The following OGN variants were observed in gnomAD, a reference collection of about 807,000 sequenced individuals.
The protein encoded by OGN is mimecan.
A neutral mutation model predicts 30.8 loss-of-function variants in OGN; 19 were observed. The ratio of observed to expected loss-of-function variants is 0.62; its 90% CI spans 0.43 to 0.90. The LOEUF is 0.90. Among genes scored for constraint, OGN ranks in the 40% least tolerant of loss-of-function variants. The probability of loss-of-function intolerance (pLI) is 0.00; values close to 1 mark genes in which losing one functional copy is unlikely to be tolerated. For synonymous variants in OGN, 126 were observed against 128.3 expected (o/e 0.98, Z 0.12); for missense variants, 283 against 349.7 (o/e 0.81, Z 1.52).
Position 92,393,076 on chromosome 9 carries a change from C to T in OGN, c.427+10G>A, listed in dbSNP as rs1284989004. ...AGTTAATACTAATATCATATTTCAG[C>T]TTAACTTACGTATGTCTGCAAAATC... On this transcript the variant is annotated intron_variant, in intron 4 of 6. Transcript: ENST00000375561. 9 of 1,609,824 alleles carry T rather than the reference C, an allele frequency of 5.6e-6. No individual in the cohort carries two copies. The highest frequency in any genetic ancestry group is 7.6e-6 in the Non-Finnish European group (9 of 1,177,580).
chr9:92,400,563 A>G (rs1843071470), intron 3 of OGN, among the ~76,000 whole-genome samples: 1 of 152,232 alleles, frequency 6.6e-6, no homozygotes, highest in African/African-American at 2.4e-5. Flanking sequence ...AGAAATTAAT[A>G]TGTGGTTTTT....
At chr9:92,392,014 G>A (rs959663852) in intron 4 of OGN, among the ~76,000 whole-genome samples, 6 of 151,860 alleles carry the variant, frequency 4.0e-5, no homozygotes, top group African/African-American at 1.2e-4. Context: ...TGCATTTCTC[G>A]GTGTGATTTT....
At position 92,385,591 on chromosome 9, in the gene OGN, C is replaced by A; in HGVS notation, c.*29G>T. On this transcript the variant is annotated 3_prime_UTR_variant, in exon 7 of 7. Coordinates refer to ENST00000375561, the MANE Select transcript of OGN (RefSeq NM_014057.5). ...GAGACAGACTATTAGTGTAGGTGTA[C>A]TTTCATTTATATGTTGTACCAATAG... The A allele has an allele frequency of 6.3e-7, 1 of 1,597,402 alleles. No homozygotes were observed. The highest frequency in any genetic ancestry group is 8.6e-7 in the Non-Finnish European group (1 of 1,165,684).
intron 3 of OGN, among the ~76,000 whole-genome samples, chr9:92,398,178 G>T (rs1842969138): frequency 6.6e-6 from 1 of 152,094 alleles, no homozygotes; most frequent in South Asian, 2.1e-4. Flanking sequence ...TTAGCCTGAA[G>T]GTATATAGGA....
intron 5 of OGN, among the ~76,000 whole-genome samples, chr9:92,387,870 TCTC>T (rs200898367): frequency 0.031 from 4,658 of 152,044 alleles, 113 homozygotes; most frequent in South Asian, 0.084. Flanking sequence ...TTAAAGCAAT[TCTC>T]CTGCCTCAGC....
At position 92,385,205 on chromosome 9, in the gene OGN, A is replaced by C. The variant is rs1158619581; in HGVS notation, c.*415T>G. On this transcript the variant is annotated 3_prime_UTR_variant, in exon 7 of 7. Coordinates refer to ENST00000375561, the MANE Select transcript of OGN (RefSeq NM_014057.5). ...ATCATGGGAAACATTTAGCTTTTCAAAGTTTTTGGAACATGTACCTTAAAT... is the reference window on the plus strand; with the variant it reads ...ATCATGGGAAACATTTAGCTTTTCACAGTTTTTGGAACATGTACCTTAAAT... 1 of 154,700 alleles carries C rather than the reference A, an allele frequency of 6.5e-6. No individual in the cohort carries two copies. The highest frequency in any genetic ancestry group is 2.4e-5 in the African/African-American group (1 of 41,486). 9.6% of individuals were successfully genotyped at this position (154,700 alleles called of 1,614,324 possible). A position where few individuals can be genotyped will look rare whatever the true frequency, so the allele number is the denominator to read the frequency against.
chr9:92,385,865 AAC>A, intron 6 of OGN, 75 bp from the exon 7 acceptor site: 1 of 1,448,748 alleles, frequency 6.9e-7, no homozygotes, highest in South Asian at 1.2e-5. Flanking sequence ...GGGTAAAGGA[AAC>A]CTAAGTCAGA....
chr9:92,403,183 A>G, intron 2 of OGN, 51 bp downstream of exon 2: 2 of 1,275,008 alleles, frequency 1.6e-6, no homozygotes, highest in Non-Finnish European at 2.2e-6. Context: ...AAAAACATGC[A>G]TTTAAATGGG....
In OGN at chr9:92,385,536, A is replaced by G. The variant is rs1020896233; in HGVS notation, c.*84T>C. The G allele has an allele frequency of 1.3e-5, 15 of 1,179,226 alleles. No individual in the cohort carries two copies. Among genetic ancestry groups the G allele is most frequent in the Non-Finnish European group, 2.4e-6 (2 of 821,166 alleles). 73.0% of individuals were successfully genotyped at this position (1,179,226 alleles called of 1,614,324 possible). Reference sequence around the variant, plus strand: ...AAATGAGATACAAGGTTAATATTAAACCAATACTTAAGTTCCTTTACTCAT... The same window carrying G: ...AAATGAGATACAAGGTTAATATTAAGCCAATACTTAAGTTCCTTTACTCAT... On this transcript the variant is annotated 3_prime_UTR_variant, in exon 7 of 7. Transcript: ENST00000375561.
intron 4 of OGN, 117 bp downstream of exon 4, chr9:92,392,969 A>T: frequency 1.4e-6 from 1 of 704,432 alleles, no homozygotes; most frequent in Non-Finnish European, 2.3e-6. Context: ...TTAGATATTT[A>T]TGTACTTCAA....
chr9:92,404,678 T>C (rs1843256241), upstream of OGN: 1 of 1,246,748 alleles, frequency 8.0e-7, no homozygotes, highest in Non-Finnish European at 1.0e-6. Context: ...GCCAGCATTC[T>C]TTCTCTAGGG....
intron 3 of OGN, among the ~76,000 whole-genome samples, chr9:92,394,838 C>T (rs1261664392): frequency 2.0e-5 from 3 of 151,970 alleles, no homozygotes; most frequent in Non-Finnish European, 4.4e-5. Flanking sequence ...AACTCCTGAC[C>T]TCAGGTGATC....
At chr9:92,400,862 C>A (rs1310062592) in intron 3 of OGN, among the ~76,000 whole-genome samples, 1 of 152,188 alleles carries the variant, frequency 6.6e-6, no homozygotes, top group African/African-American at 2.4e-5. Flanking sequence ...TTTGTGGAGG[C>A]TAAGCTTGCC....
chr9:92,390,587 T>TGTGCGCGC (rs749697394), intron 4 of OGN, among the ~76,000 whole-genome samples: 3 of 141,814 alleles, frequency 2.1e-5, no homozygotes, highest in Non-Finnish European at 4.7e-5. Flanking sequence ...TGTGTGTGTG[T>TGTGCGCGC]GCGCGCGCGC....
intron 4 of OGN, 138 bp downstream of exon 4, chr9:92,392,948 T>G: frequency 1.6e-6 from 1 of 630,070 alleles, no homozygotes; most frequent in Non-Finnish European, 2.7e-6. Context: ...AATGGACTTT[T>G]GTGAAACATG....
chr9:92,400,377 C>T (rs1298181138), intron 3 of OGN, among the ~76,000 whole-genome samples: 1 of 152,192 alleles, frequency 6.6e-6, no homozygotes, highest in Non-Finnish European at 1.5e-5. Context: ...TCTTGAACTC[C>T]TGACCTCGTG....
At chr9:92,401,321 T>A in intron 2 of OGN, 136 bp from the exon 3 acceptor site, 1 of 511,482 alleles carries the variant, frequency 2.0e-6, no homozygotes, top group Admixed American at 3.9e-5. Flanking sequence ...TTCATACATA[T>A]TTCCATTTTA....
chr9:92,385,779 T>A lies in OGN; in HGVS notation c.738A>T (p.Ile246=). The A allele has an allele frequency of 1.2e-6, 2 of 1,614,098 alleles. No individual in the cohort carries two copies. The highest frequency in any genetic ancestry group is 8.5e-7 in the Non-Finnish European group (1 of 1,179,974). The change falls in exon 7 of 7, where the codon ATA becomes ATT. Residue 246 remains isoleucine (I), a synonymous_variant. Transcript: ENST00000375561. ...LRVIHLQFNN[I]ASITDDTFCK... ...AGAATGTGTCATCTGTAATTGAAGCTATGTTGTTGAACTGAAAAAAAACGA... is the reference window on the plus strand; with the variant it reads ...AGAATGTGTCATCTGTAATTGAAGCAATGTTGTTGAACTGAAAAAAAACGA...
chr9:92,386,111 T>G lies in OGN; in HGVS notation c.726+90A>C, dbSNP rs1588079958. ...GCTACTACAGTGATCTAACCAAAATTTGTATGTGAATAAGTGAGGTTCCCA... is the reference window on the plus strand; with the variant it reads ...GCTACTACAGTGATCTAACCAAAATGTGTATGTGAATAAGTGAGGTTCCCA... On this transcript the variant is annotated intron_variant, in intron 6 of 6. Transcript: ENST00000375561. The G allele has an allele frequency of 2.3e-5, 23 of 1,005,562 alleles. No individual in the cohort carries two copies. The East Asian group carries it at 5.7e-4, about 25-fold the overall frequency. 62.3% of individuals were successfully genotyped at this position (1,005,562 alleles called of 1,614,324 possible).
Sources: gnomAD v4.1 joint callset for allele counts (sites outside exome capture counted in the v4.1 genomes callset) on GRCh38, gnomAD v4.1.1 for gene constraint, MANE v1.5 for transcripts, NCBI Gene and HGNC (gene_info 2026-07-23, HGNC 2026-07-21) for gene names.